Variants in APBB2 observed in about 807,000 individuals in gnomAD.
APBB2 encodes Fe65-like 1.
A neutral mutation model predicts 82.5 loss-of-function variants in APBB2; 38 were observed. The observed-to-expected ratio is 0.46, with a 90% CI of 0.36 to 0.60. The LOEUF is 0.60. Among genes scored for constraint, APBB2 ranks in the 20% least tolerant of loss-of-function variants. The pLI, the probability that APBB2 is intolerant of heterozygous loss-of-function variation, is 0.00. For missense variants in APBB2, 772 were observed against 972.3 expected (o/e 0.79, Z 2.74); for synonymous variants, 341 against 368.2 (o/e 0.93, Z 0.85).
chr4:40,894,631 ATTGACAGAT>A (rs1222611702), intron 10 of APBB2, among the ~76,000 whole-genome samples: 1 of 152,228 alleles, frequency 6.6e-6, no homozygotes, highest in Non-Finnish European at 1.5e-5. Flanking sequence ...TGCTTGCAGA[ATTGACAGAT>A]TTGTGCTTTT....
chr4:41,066,654 G>A (rs1195706051), intron 3 of APBB2, among the ~76,000 whole-genome samples: 2 of 152,218 alleles, frequency 1.3e-5, no homozygotes, highest in East Asian at 3.8e-4. Context: ...CGCTAGGGAT[G>A]CGAGACAAGG....
intron 10 of APBB2, among the ~76,000 whole-genome samples, chr4:40,928,664 T>A (rs1783310239): frequency 6.6e-6 from 1 of 151,816 alleles, no homozygotes; most frequent in African/African-American, 2.4e-5. Context: ...GGCGGATAGA[T>A]CACTTGAGAT....
At chr4:40,935,236 T>C (rs1785109928) in intron 7 of APBB2, 97 bp from the exon 8 acceptor site, 2 of 911,388 alleles carry the variant, frequency 2.2e-6, no homozygotes, top group South Asian at 1.6e-5. Flanking sequence ...GTTGTTAGCA[T>C]TGATATTCAC....
intron 4 of APBB2, among the ~76,000 whole-genome samples, chr4:41,049,141 G>A (rs1454761016): frequency 1.3e-5 from 2 of 151,154 alleles, no homozygotes; most frequent in Non-Finnish European, 3.0e-5. Context: ...GAGATGTGAG[G>A]AGCCCCTCTG....
intron 5 of APBB2, among the ~76,000 whole-genome samples, chr4:41,018,449 A>C (rs1195610032): frequency 6.6e-6 from 1 of 152,186 alleles, no homozygotes; most frequent in East Asian, 1.9e-4. Flanking sequence ...AGCCTGAACA[A>C]ATCAAGACAT....
intron 6 of APBB2, among the ~76,000 whole-genome samples, chr4:40,979,163 AC>A (rs1797895642): frequency 1.3e-5 from 2 of 152,210 alleles, no homozygotes; most frequent in African/African-American, 4.8e-5. Flanking sequence ...TTTCTGCTTA[AC>A]AACATGTCTC....
chr4:40,818,059 G>A (rs1295023865), intron 17 of APBB2, among the ~76,000 whole-genome samples: 1 of 152,196 alleles, frequency 6.6e-6, no homozygotes, highest in East Asian at 1.9e-4. Flanking sequence ...TTGCCAAAAT[G>A]TCTTCTGTTG....
intron 4 of APBB2, among the ~76,000 whole-genome samples, chr4:41,058,716 T>C (rs1199041460): frequency 6.6e-6 from 1 of 152,166 alleles, no homozygotes; most frequent in Non-Finnish European, 1.5e-5. Flanking sequence ...ACATCTAAAG[T>C]TCTGCAGAAA....
intron 10 of APBB2, among the ~76,000 whole-genome samples, chr4:40,900,341 C>T (rs946527424): frequency 3.3e-5 from 5 of 151,994 alleles, no homozygotes; most frequent in African/African-American, 9.7e-5. Context: ...TAGATAAGTT[C>T]GTGCTCTTGA....
intron 10 of APBB2, among the ~76,000 whole-genome samples, chr4:40,903,968 T>C (rs1776014387): frequency 6.6e-6 from 1 of 152,240 alleles, no homozygotes. Flanking sequence ...CAGAATAATG[T>C]ACACTTAGGG....
At chr4:40,907,379 ATTTTTTTTTTTT>A (rs55814804) in intron 10 of APBB2, among the ~76,000 whole-genome samples, 3 of 37,398 alleles carry the variant, frequency 8.0e-5, no homozygotes, top group Admixed American at 3.8e-4. Flanking sequence ...ATATATATAT[ATTTTTTTTTTTT>A]TTTTTTTTTA....
Position 41,013,722 on chromosome 4 carries a change from G to A in APBB2, c.696C>T (p.Thr232=). ...QVATVSSSPE[T]KKDHPKTGAK... is the part of the protein sequence containing the mutation. ...CCCCTGTTTTCGGATGATCCTTCTT[G>A]GTTTCTGGGCTGGATGACACTGTGG... Residue 232 remains threonine, a synonymous_variant, in exon 6 of 18, where the codon ACC becomes ACT. Coordinates refer to ENST00000508593, the MANE Select transcript of APBB2 (RefSeq NM_004307.2). 1.6e-5 allele frequency: 26 copies of A among 1,614,162 alleles called. No homozygotes were observed. Among genetic ancestry groups the A allele is most frequent in the Non-Finnish European group, 2.1e-5 (25 of 1,180,030 alleles).
chr4:41,078,601 A>G (rs1393117278), intron 3 of APBB2, among the ~76,000 whole-genome samples: 1 of 152,182 alleles, frequency 6.6e-6, no homozygotes, highest in Admixed American at 6.5e-5. Context: ...CTAAATCTTC[A>G]CACCTCTAGT....
intron 3 of APBB2, among the ~76,000 whole-genome samples, chr4:41,092,279 TATTAAGGG>T (rs1212181930): frequency 6.6e-6 from 1 of 152,260 alleles, no homozygotes; most frequent in Non-Finnish European, 1.5e-5. Context: ...AGTATCAAAG[TATTAAGGG>T]ATTACCAGCT....
intron 2 of APBB2, among the ~76,000 whole-genome samples, chr4:41,111,026 C>G (rs1349407435): frequency 1.3e-5 from 2 of 152,180 alleles, no homozygotes; most frequent in African/African-American, 4.8e-5. Context: ...GGAGACAGTA[C>G]CAGATCATCA....
intron 6 of APBB2, among the ~76,000 whole-genome samples, chr4:40,954,492 A>T (rs1030265232): frequency 2.6e-5 from 4 of 152,044 alleles, no homozygotes; most frequent in African/African-American, 9.7e-5. Flanking sequence ...ATAGATGGGG[A>T]ACTGCACACC....
chr4:40,880,153 A>G, intron 12 of APBB2: 2 of 985,426 alleles, frequency 2.0e-6, no homozygotes, highest in Non-Finnish European at 2.4e-6. Context: ...GAGCGCCCCT[A>G]ACATCAGTGC....
intron 6 of APBB2, among the ~76,000 whole-genome samples, chr4:41,004,163 C>T (rs1806009573): frequency 6.6e-6 from 1 of 152,050 alleles, no homozygotes. Context: ...AAATGGTCTA[C>T]CCACCTCGGC....
At chr4:40,820,900 C>G (rs998472089) in intron 17 of APBB2, among the ~76,000 whole-genome samples, 1 of 151,914 alleles carries the variant, frequency 6.6e-6, no homozygotes, top group Non-Finnish European at 1.5e-5. Flanking sequence ...ATGGGTTTCC[C>G]TCTTGTTGCC....
Sources: gnomAD v4.1 joint callset for allele counts (sites outside exome capture counted in the v4.1 genomes callset) on GRCh38, gnomAD v4.1.1 for gene constraint, MANE v1.5 for transcripts, NCBI Gene and HGNC (gene_info 2026-07-23, HGNC 2026-07-21) for gene names.